Variants in PTBP3 observed in about 807,000 individuals in gnomAD.
PTBP3 encodes polypyrimidine tract-binding protein 3.
A neutral mutation model predicts 58.7 loss-of-function variants in PTBP3; 20 were observed. The observed-to-expected ratio is 0.34, with a 90% CI of 0.24 to 0.50. The LOEUF is 0.50. PTBP3 is among the 20% of genes least tolerant of loss of function. PTBP3 has a pLI of 0.98. For synonymous variants in PTBP3, 185 were observed against 219.8 expected (o/e 0.84, Z 1.40); for missense variants, 509 against 637.2 (o/e 0.80, Z 2.17).
At chr9:112,345,478 T>G in the PTBP3 span, among the ~76,000 whole-genome samples, 5 of 144,652 alleles carry the variant, frequency 3.5e-5, no homozygotes, top group East Asian at 1.1e-3. Flanking sequence ...TGGGTTCAGG[T>G]GATTCTTGTG....
chr9:112,373,940 G>A, the PTBP3 span, among the ~76,000 whole-genome samples: 1 of 152,264 alleles, frequency 6.6e-6, no homozygotes, highest in Admixed American at 6.5e-5. Context: ...TACCCATTCT[G>A]TATTCCCTTT....
At chr9:112,378,765 T>A in the PTBP3 span, among the ~76,000 whole-genome samples, 1 of 152,184 alleles carries the variant, frequency 6.6e-6, no homozygotes, top group Non-Finnish European at 1.5e-5. Flanking sequence ...AATCACTTAG[T>A]GGATGATAAT....
chr9:112,275,838 A>G lies in PTBP3; in HGVS notation c.204+6T>C. 1 of 1,597,642 alleles carries G rather than the reference A, an allele frequency of 6.3e-7. No homozygotes were observed. Among genetic ancestry groups the G allele is most frequent in the Non-Finnish European group, 8.6e-7 (1 of 1,165,854 alleles). On this transcript the variant is annotated splice_donor_region_variant and intron_variant, in intron 3 of 13. Coordinates refer to ENST00000374257, the MANE Select transcript of PTBP3 (RefSeq NM_001163788.4). Reference sequence around the variant, plus strand: ...CACTCTTTGTCAATCTTTAAATATTACATACCTGGCTTTTTCCTTTCAACA... The same window carrying G: ...CACTCTTTGTCAATCTTTAAATATTGCATACCTGGCTTTTTCCTTTCAACA...
chr9:112,370,064 G>A, the PTBP3 span, among the ~76,000 whole-genome samples: 3 of 152,152 alleles, frequency 2.0e-5, no homozygotes, highest in Admixed American at 6.5e-5. Flanking sequence ...GTGGAACTGT[G>A]AGCTTATTAA....
the PTBP3 span, among the ~76,000 whole-genome samples, chr9:112,344,832 A>G: frequency 6.6e-6 from 1 of 152,202 alleles, no homozygotes; most frequent in Non-Finnish European, 1.5e-5. Context: ...ACAATTAGAT[A>G]ATATTATTTA....
rs1426822364 is a variant in PTBP3 at position 112,222,905 on chromosome 9, C to T, written c.*946G>A. ...AATTTTTTTCTAAAAGAAGACCTTA[C>T]CAAAAATAACTTTTAAAAAATCTGT... On this transcript the variant is annotated 3_prime_UTR_variant, in exon 14 of 14. Coordinates refer to ENST00000374257, the MANE Select transcript of PTBP3 (RefSeq NM_001163788.4). 1 of 878,604 alleles carries T rather than the reference C, an allele frequency of 1.1e-6. No individual in the cohort carries two copies. The highest frequency in any genetic ancestry group is 1.8e-5 in the African/African-American group (1 of 54,854). The allele number at this position is 878,604 out of a possible 1,614,324, so 54.4% of individuals were successfully genotyped here.
the PTBP3 span, among the ~76,000 whole-genome samples, chr9:112,343,123 T>C: frequency 6.6e-6 from 1 of 152,166 alleles, no homozygotes; most frequent in African/African-American, 2.4e-5. Flanking sequence ...GAGGCTCATT[T>C]TGAGGACAGA....
chr9:112,239,885 A>C (rs1042584538), intron 7 of PTBP3, among the ~76,000 whole-genome samples: 2 of 118,416 alleles, frequency 1.7e-5, no homozygotes, highest in South Asian at 3.1e-4. Flanking sequence ...GAGGGAGGCA[A>C]GGAAGGATCG....
intron 1 of PTBP3, among the ~76,000 whole-genome samples, chr9:112,331,194 T>G (rs938410268): frequency 2.0e-5 from 3 of 152,092 alleles, no homozygotes; most frequent in Admixed American, 2.0e-4. Flanking sequence ...GTTTGTTTTT[T>G]AACTACCCAA....
rs917946913 is a variant in PTBP3, at chr9:112,262,416, G to C, written c.516+19C>G. On this transcript the variant is annotated intron_variant, in intron 5 of 13. Transcript: ENST00000374257. ...CCATATTTAACTTAACTTTCTTAAG[G>C]GTATTTATTCCTCCTTACCTGATGA... is the stretch of plus-strand genomic sequence containing the variant. 1.3e-6 allele frequency: 2 copies of C among 1,546,122 alleles called. No homozygotes were observed. Among genetic ancestry groups the C allele is most frequent in the Non-Finnish European group, 1.7e-6 (2 of 1,152,172 alleles).
At chr9:112,287,934 C>A (rs1186137783) in intron 2 of PTBP3, among the ~76,000 whole-genome samples, 1 of 152,050 alleles carries the variant, frequency 6.6e-6, no homozygotes, top group Admixed American at 6.5e-5. Context: ...GTTTATGGGT[C>A]ACATTTTTTT....
At chr9:112,320,291 A>AAAAATATATATATATATATATATAT (rs1411646280) in intron 1 of PTBP3, among the ~76,000 whole-genome samples, 1 of 73,536 alleles carries the variant, frequency 1.4e-5, no homozygotes, top group African/African-American at 9.0e-5. Flanking sequence ...AAAAAAAAAA[A>AAAAATATATATATATATATATATAT]ATATATATAT....
chr9:112,287,205 T>A (rs796394290), intron 2 of PTBP3, among the ~76,000 whole-genome samples: 2 of 152,086 alleles, frequency 1.3e-5, no homozygotes, highest in Non-Finnish European at 2.9e-5. Context: ...AGATTTAGGA[T>A]AATTTCTTGA....
Position 112,220,820 on chromosome 9 carries a change from C to A in PTBP3, c.*3031G>T. ...TTTTTTAAAGTCCTGAATATATATA[C>A]TTTGTGTAGAAGTCAAGACACCTTG... On this transcript the variant is annotated 3_prime_UTR_variant, in exon 14 of 14. Transcript: ENST00000374257. The A allele has an allele frequency of 3.1e-6, 3 of 974,638 alleles. No homozygotes were observed. The highest frequency in any genetic ancestry group is 3.7e-6 in the Non-Finnish European group (3 of 820,196). 60.4% of individuals were successfully genotyped at this position (974,638 alleles called of 1,614,324 possible). A position where few individuals can be genotyped will look rare whatever the true frequency, so the allele number is the denominator to read the frequency against.
chr9:112,273,980 C>CT (rs1413665891), intron 3 of PTBP3, among the ~76,000 whole-genome samples: 1 of 152,204 alleles, frequency 6.6e-6, no homozygotes, highest in Admixed American at 6.5e-5. Flanking sequence ...ATGATGTTGC[C>CT]TGCTCAGCCT....
At chr9:112,347,932 T>A in the PTBP3 span, among the ~76,000 whole-genome samples, 1 of 152,234 alleles carries the variant, frequency 6.6e-6, no homozygotes. Context: ...ATTTTGAATG[T>A]ATCAAGTATT....
upstream of PTBP3, among the ~76,000 whole-genome samples, chr9:112,338,443 C>T (rs187624252): frequency 2.6e-5 from 4 of 152,248 alleles, no homozygotes; most frequent in East Asian, 7.7e-4. Context: ...GTACACAGGA[C>T]CTCTTTGTAC....
intron 1 of PTBP3, among the ~76,000 whole-genome samples, chr9:112,299,722 C>T (rs527474406): frequency 2.5e-4 from 38 of 152,264 alleles, no homozygotes; most frequent in African/African-American, 8.7e-4. Context: ...CTCCCTCCCC[C>T]CATTGACAAC....
chr9:112,271,296 T>C (rs1295634244), intron 3 of PTBP3, among the ~76,000 whole-genome samples: 5 of 152,254 alleles, frequency 3.3e-5, no homozygotes, highest in Admixed American at 2.6e-4. Flanking sequence ...AGATACTTAC[T>C]AGCTGAGCAT....
Sources: allele counts gnomAD v4.1 joint callset (sites outside exome capture counted in the v4.1 genomes callset), GRCh38; gene constraint gnomAD v4.1.1; transcripts MANE v1.5; gene names NCBI Gene and HGNC (gene_info 2026-07-23, HGNC 2026-07-21).